MYO1E: variants seen among roughly 807,000 people sequenced by gnomAD.
MYO1E encodes the protein unconventional myosin-Ie.
Under a neutral mutation model 151.1 loss-of-function variants are expected in MYO1E, and 68 were observed. The ratio of observed to expected loss-of-function variants is 0.45; its 90% CI spans 0.37 to 0.55. The LOEUF (loss-of-function observed/expected upper bound fraction) is 0.55. Ranked by LOEUF, MYO1E falls within the 20% of genes least tolerant of loss-of-function variation. The pLI is 0.00. For synonymous variants in MYO1E, 601 were observed against 501.7 expected (o/e 1.20, Z -2.64); for missense variants, 1,363 against 1,389.3 (o/e 0.98, Z 0.30).
intron 1 of MYO1E, among the ~76,000 whole-genome samples, chr15:59,303,923 T>C (rs1298058441): frequency 6.6e-6 from 1 of 152,082 alleles, no homozygotes; most frequent in East Asian, 1.9e-4. Flanking sequence ...TCCATACACA[T>C]TAAAGTGATG....
chr15:59,292,437 T>TTA (rs1279018903), intron 1 of MYO1E, among the ~76,000 whole-genome samples: 1 of 152,218 alleles, frequency 6.6e-6, no homozygotes, highest in East Asian at 1.9e-4. Context: ...GTTCTGAAAT[T>TTA]TAAAGTGCGT....
chr15:59,218,507 G>C (rs1162294096), intron 9 of MYO1E, among the ~76,000 whole-genome samples: 2 of 152,128 alleles, frequency 1.3e-5, no homozygotes, highest in Non-Finnish European at 2.9e-5. Context: ...TTAGTACAAT[G>C]TTTTCATAGC....
intron 1 of MYO1E, among the ~76,000 whole-genome samples, chr15:59,326,288 G>C (rs1251528452): frequency 1.3e-5 from 2 of 152,180 alleles, no homozygotes; most frequent in Non-Finnish European, 2.9e-5. Flanking sequence ...GGGAGGCCGA[G>C]GCAGGCAGAA....
chr15:59,274,646 G>C (rs1313570260), intron 1 of MYO1E, among the ~76,000 whole-genome samples: 2 of 152,210 alleles, frequency 1.3e-5, no homozygotes, highest in African/African-American at 2.4e-5. Context: ...GAGAAGCTCT[G>C]TGTCATGGTG....
At chr15:59,349,374 C>T (rs2080811478) in intron 1 of MYO1E, among the ~76,000 whole-genome samples, 1 of 152,084 alleles carries the variant, frequency 6.6e-6, no homozygotes, top group Non-Finnish European at 1.5e-5. Flanking sequence ...ATTCCTCTAG[C>T]TCAGGGTTAA....
intron 10 of MYO1E, among the ~76,000 whole-genome samples, chr15:59,216,578 A>ATG (rs10569521): frequency 3.8e-4 from 42 of 109,464 alleles, no homozygotes; most frequent in Admixed American, 2.6e-3. Flanking sequence ...ATAAGAGTTT[A>ATG]TGTGTGTGTG....
chr15:59,372,453 C>G (rs1366340598), intron 1 of MYO1E, 45 bp downstream of exon 1: 2 of 1,536,798 alleles, frequency 1.3e-6, no homozygotes, highest in Non-Finnish European at 1.7e-6. Context: ...GTTTCCTGCC[C>G]CGTCCCCGGG....
chr15:59,337,886 A>C (rs2080739128), intron 1 of MYO1E, among the ~76,000 whole-genome samples: 1 of 152,216 alleles, frequency 6.6e-6, no homozygotes, highest in Non-Finnish European at 1.5e-5. Flanking sequence ...AGTAAAATCT[A>C]AGCTTAGATA....
At chr15:59,158,174 A>G (rs2079519014) in intron 25 of MYO1E, 113 bp downstream of exon 25, 1 of 949,108 alleles carries the variant, frequency 1.1e-6, no homozygotes, top group African/African-American at 1.6e-5. Context: ...GAAATGGTCC[A>G]TGCCTGGTTA....
Position 59,151,049 on chromosome 15 carries a change from A to ACG in MYO1E, c.3080+2539_3080+2540dup, listed in dbSNP as rs1555407035. 3.0e-3 allele frequency among the ~76,000 whole-genome samples: 383 copies of ACG among 129,598 alleles called. 1 individual carries two copies. Among genetic ancestry groups the ACG allele is most frequent in the Non-Finnish European group, 3.6e-3 (210 of 58,750 alleles). 85.0% of individuals were successfully genotyped at this position (129,598 alleles called of 152,430 possible). ...CACACACACACACACACACACACAC[A>ACG]CGCGCGCGCGCGCACGTGCACTTAG... On this transcript the variant is annotated intron_variant, in intron 26 of 27. Coordinates refer to ENST00000288235, the MANE Select transcript of MYO1E (RefSeq NM_004998.4).
chr15:59,165,713 CA>C (rs2079559687), intron 22 of MYO1E, among the ~76,000 whole-genome samples: 1 of 152,200 alleles, frequency 6.6e-6, no homozygotes, highest in Non-Finnish European at 1.5e-5. Flanking sequence ...AAAAGCTGCT[CA>C]AAAGAGCTCT....
intron 22 of MYO1E, among the ~76,000 whole-genome samples, chr15:59,166,547 GT>G (rs1473762452): frequency 6.7e-6 from 1 of 150,306 alleles, no homozygotes; most frequent in Non-Finnish European, 1.5e-5. Context: ...TCCTGAAGGA[GT>G]TTTGTTTTTT....
chr15:59,301,277 T>C lies in MYO1E; in HGVS notation c.4-28828A>G, dbSNP rs1171864581. Among the ~76,000 whole-genome samples, 115 of 152,356 alleles carry C rather than the reference T, an allele frequency of 7.5e-4. 1 individual carries two copies. Among genetic ancestry groups the C allele is most frequent in the Non-Finnish European group, 3.1e-4 (21 of 68,032 alleles). On this transcript the variant is annotated intron_variant, in intron 1 of 27. Coordinates refer to ENST00000288235, the MANE Select transcript of MYO1E (RefSeq NM_004998.4). ...TTTGAGGAAAATATGGATTCAACAA[T>C]AAGAATGTATCTTTACATCTGAGCA...
intron 2 of MYO1E, among the ~76,000 whole-genome samples, chr15:59,269,733 A>G (rs2035503): frequency 0.96 from 145,879 of 151,984 alleles, 70,217 homozygotes; most frequent in Non-Finnish European, 1. Flanking sequence ...GGTGGTGCAC[A>G]CCTGTAGTCC....
intron 1 of MYO1E, among the ~76,000 whole-genome samples, chr15:59,277,779 G>A (rs189557879): frequency 2.0e-5 from 3 of 152,196 alleles, no homozygotes; most frequent in Admixed American, 6.5e-5. Context: ...TGCATGTCCT[G>A]ATATGGAAAG....
intron 4 of MYO1E, among the ~76,000 whole-genome samples, chr15:59,237,679 A>T (rs917524898): frequency 2.6e-5 from 4 of 152,274 alleles, no homozygotes; most frequent in African/African-American, 4.8e-5. Flanking sequence ...GGCGCAGAGC[A>T]AATGTTCTTC....
At chr15:59,268,371 A>G (rs1330983924) in intron 2 of MYO1E, among the ~76,000 whole-genome samples, 1 of 152,232 alleles carries the variant, frequency 6.6e-6, no homozygotes, top group African/African-American at 2.4e-5. Context: ...GTGGTCAAGT[A>G]ACTCATTTCC....
At chr15:59,293,413 G>A (rs2140398309) in intron 1 of MYO1E, among the ~76,000 whole-genome samples, 1 of 152,158 alleles carries the variant, frequency 6.6e-6, no homozygotes, top group Non-Finnish European at 1.5e-5. Flanking sequence ...AGGCGTGGTG[G>A]CAGGCACCTG....
At chr15:59,246,465 C>A (rs12595677) in intron 4 of MYO1E, among the ~76,000 whole-genome samples, 25,793 of 152,124 alleles carry the variant, frequency 0.17, 2,808 homozygotes, top group East Asian at 0.53. Context: ...GTTGGCACTG[C>A]CCAGAGTCTA....
Sources: gnomAD v4.1 joint callset for allele counts (sites outside exome capture counted in the v4.1 genomes callset) on GRCh38, gnomAD v4.1.1 for gene constraint, MANE v1.5 for transcripts, NCBI Gene and HGNC (gene_info 2026-07-23, HGNC 2026-07-21) for gene names.